CD109: variants seen among roughly 807,000 people sequenced by gnomAD.
CD109 encodes the protein CD109 molecule.
Under a neutral mutation model 165.8 loss-of-function variants are expected in CD109, and 149 were observed. That is an observed-to-expected ratio of 0.90 (90% confidence interval 0.79 to 1.03). CD109 has a LOEUF of 1.03. Ranked by LOEUF, CD109 falls within the 50% of genes least tolerant of loss-of-function variation. The pLI is 0.00. For missense variants in CD109, 1,712 were observed against 1,677.8 expected, an observed-to-expected ratio of 1.02 and a Z score of -0.36; for synonymous variants, 585 against 592.1, an observed-to-expected ratio of 0.99 and a Z score of 0.18.
chr6:73,704,495 G>A (rs1256290154), intron 2 of CD109, among the ~76,000 whole-genome samples: 1 of 152,200 alleles, frequency 6.6e-6, no homozygotes, highest in Admixed American at 6.5e-5. Flanking sequence ...GAAGTTAAAA[G>A]TGAACACACT....
intron 23 of CD109, among the ~76,000 whole-genome samples, chr6:73,802,121 T>G (rs1044135787): frequency 2.6e-5 from 4 of 152,028 alleles, no homozygotes; most frequent in Admixed American, 1.3e-4. Context: ...CATCTGCTTT[T>G]TATTTGCAAT....
At chr6:73,695,853 G>A (rs1770800620), upstream of CD109, 2 of 312,384 alleles carry the variant, frequency 6.4e-6, no homozygotes, top group South Asian at 5.6e-5. Context: ...TTGGTAGAGC[G>A]CTAGTGTAAA....
chr6:73,808,395 A>C (rs1222119691), intron 26 of CD109, 147 bp downstream of exon 26: 2 of 720,554 alleles, frequency 2.8e-6, no homozygotes, highest in African/African-American at 1.8e-5. Flanking sequence ...TGGGCCTGAC[A>C]TGGCCACAAT....
At chr6:73,779,634 C>T (rs1392550549) in intron 15 of CD109, among the ~76,000 whole-genome samples, 3 of 152,110 alleles carry the variant, frequency 2.0e-5, no homozygotes, top group African/African-American at 7.2e-5. Context: ...TGCTGATGGA[C>T]ACAGGTTGTT....
intron 23 of CD109, among the ~76,000 whole-genome samples, chr6:73,797,552 T>C (rs1240511534): frequency 1.4e-5 from 2 of 141,740 alleles, no homozygotes; most frequent in South Asian, 2.2e-4. Context: ...AAATTCATAA[T>C]GATTTCTTTT....
In CD109 at chr6:73,792,622, C is replaced by G; in HGVS notation, c.2702-4C>G. 1.2e-6 allele frequency: 2 copies of G among 1,612,158 alleles called. No individual in the cohort carries two copies. The highest frequency in any genetic ancestry group is 1.7e-6 in the Non-Finnish European group (2 of 1,179,758). ...TGAATGAACTGCATGTCTTGTGCTT[C>G]CAGGAGATGTTCTTGGTCCTTCCAT... On this transcript the variant is annotated splice_polypyrimidine_tract_variant and splice_region_variant and intron_variant, in intron 22 of 32. Transcript: ENST00000287097.
At chr6:73,773,108 C>T (rs546354829) in intron 15 of CD109, among the ~76,000 whole-genome samples, 3 of 150,740 alleles carry the variant, frequency 2.0e-5, no homozygotes, top group African/African-American at 4.9e-5. Context: ...TGTGTGTGTA[C>T]GTGTGTGTAT....
At chr6:73,701,976 C>T (rs1771099676) in intron 2 of CD109, among the ~76,000 whole-genome samples, 1 of 152,110 alleles carries the variant, frequency 6.6e-6, no homozygotes, top group Non-Finnish European at 1.5e-5. Flanking sequence ...CTGAAAATGC[C>T]TACTGAAATT....
At chr6:73,737,512 T>A (rs1200361905) in intron 5 of CD109, among the ~76,000 whole-genome samples, 1 of 152,218 alleles carries the variant, frequency 6.6e-6, no homozygotes, top group Non-Finnish European at 1.5e-5. Flanking sequence ...GAGGCAATAT[T>A]ATGAAAGGGG....
At chr6:73,764,732 C>T (rs546207354) in intron 10 of CD109, among the ~76,000 whole-genome samples, 4 of 150,904 alleles carry the variant, frequency 2.7e-5, no homozygotes, top group Non-Finnish European at 5.9e-5. Context: ...AGAAGAATCG[C>T]TTGAACCCGG....
intron 2 of CD109, 64 bp downstream of exon 2, chr6:73,697,636 A>G (rs923821539): frequency 1.6e-5 from 23 of 1,467,614 alleles, no homozygotes; most frequent in Non-Finnish European, 2.0e-5. Flanking sequence ...TAATAAGGTC[A>G]TGTGTTAGGT....
At chr6:73,697,258 T>C (rs1446504886) in intron 1 of CD109, 142 bp from the exon 2 acceptor site, 1 of 648,960 alleles carries the variant, frequency 1.5e-6, no homozygotes, top group Admixed American at 2.9e-5. Flanking sequence ...AGTTGCCAAA[T>C]AGAGCAGTGG....
the CD109 span, among the ~76,000 whole-genome samples, chr6:73,685,325 A>G: frequency 3.3e-5 from 5 of 151,986 alleles, no homozygotes; most frequent in Admixed American, 1.3e-4. Context: ...CTCCTATTCA[A>G]TAGGTTGTCT....
intron 5 of CD109, among the ~76,000 whole-genome samples, chr6:73,737,648 G>C (rs1772598659): frequency 6.6e-6 from 1 of 152,168 alleles, no homozygotes; most frequent in East Asian, 1.9e-4. Context: ...TGGCAGCCTA[G>C]AGCAGGATGT....
At chr6:73,748,908 C>G (rs1042471376) in intron 5 of CD109, among the ~76,000 whole-genome samples, 2 of 152,164 alleles carry the variant, frequency 1.3e-5, no homozygotes, top group Non-Finnish European at 2.9e-5. Context: ...TCAGCTGACA[C>G]TTTTACAGGA....
the CD109 span, among the ~76,000 whole-genome samples, chr6:73,679,979 G>T: frequency 6.6e-6 from 1 of 152,082 alleles, no homozygotes; most frequent in Non-Finnish European, 1.5e-5. Flanking sequence ...TGTTTTACGT[G>T]GAAAGTTTAT....
At chr6:73,738,835 C>T (rs1772643465) in intron 5 of CD109, among the ~76,000 whole-genome samples, 1 of 152,206 alleles carries the variant, frequency 6.6e-6, no homozygotes, top group Admixed American at 6.5e-5. Flanking sequence ...CATGCTGTTC[C>T]CTCTGCTGAG....
rs1771844032 is a variant in CD109, at chr6:73,718,939, CAAGTAT to C, written c.248-4307_248-4302del. On this transcript the variant is annotated intron_variant, in intron 2 of 32. Transcript: ENST00000287097. The stretch of plus-strand genomic sequence containing the variant: ...TCCCCGTGACCAGTTCTGTCCAATA[CAAGTAT>C]AAGTCAACTACATAAGTTATTGGCA... 2.0e-5 allele frequency among the ~76,000 whole-genome samples: 3 copies of C among 152,148 alleles called. No homozygotes were observed. The South Asian group carries it at 6.2e-4, about 32-fold the overall frequency.
chr6:73,736,669 G>T (rs1200923490), intron 5 of CD109, among the ~76,000 whole-genome samples, 161 bp downstream of exon 5: 1 of 152,194 alleles, frequency 6.6e-6, no homozygotes, highest in Non-Finnish European at 1.5e-5. Flanking sequence ...TTTATCAAGG[G>T]TTTATTTAGC....
Sources: gnomAD v4.1 joint callset for allele counts (sites outside exome capture counted in the v4.1 genomes callset) on GRCh38, gnomAD v4.1.1 for gene constraint, MANE v1.5 for transcripts, NCBI Gene and HGNC (gene_info 2026-07-23, HGNC 2026-07-21) for gene names.